The following IPO9 variants were observed in gnomAD, a reference collection of about 807,000 sequenced individuals.
IPO9 encodes importin 9, also known as importin-9.
IPO9 carries 28 observed loss-of-function variants against 128.6 expected under a neutral mutation model. The ratio of observed to expected loss-of-function variants is 0.22; its 90% CI spans 0.16 to 0.30. The LOEUF (loss-of-function observed/expected upper bound fraction) is 0.30. IPO9 is among the 10% of genes least tolerant of loss of function. The probability of loss-of-function intolerance (pLI) is 1.00; values close to 1 mark genes in which losing one functional copy is unlikely to be tolerated. For synonymous variants in IPO9, 455 were observed against 475.8 expected (o/e 0.96, Z 0.57); for missense variants, 935 against 1,293.9 (o/e 0.72, Z 4.26).
At position 201,874,232 on chromosome 1, in the gene IPO9, C is replaced by A; in HGVS notation, c.2711-18C>A. 3 of 1,613,262 alleles carry A rather than the reference C, an allele frequency of 1.9e-6. No homozygotes were observed. Among genetic ancestry groups the A allele is most frequent in the Non-Finnish European group, 2.5e-6 (3 of 1,179,564 alleles). On this transcript the variant is annotated intron_variant, in intron 20 of 23. Coordinates refer to ENST00000361565, the MANE Select transcript of IPO9 (RefSeq NM_018085.5). ...GCTCAGTGACACTCTGACTTGAAAC[C>A]TTTTTCTTCCTTCCCAGACCCAGAA...
At chr1:201,867,012 C>A in intron 15 of IPO9, 53 bp downstream of exon 15, 1 of 1,422,130 alleles carries the variant, frequency 7.0e-7, no homozygotes, top group Non-Finnish European at 9.9e-7. Context: ...AAGGTGGTGG[C>A]TGGTGAATTT....
intron 21 of IPO9, 92 bp downstream of exon 21, chr1:201,874,464 T>C (rs1680721013): frequency 1.4e-6 from 2 of 1,468,356 alleles, no homozygotes; most frequent in Non-Finnish European, 9.2e-7. Flanking sequence ...GAGTCACTAA[T>C]TGAAAAAAAA....
In IPO9 at chr1:201,872,878, A is replaced by G. The variant is rs772772339; in HGVS notation, c.2627A>G (p.Lys876Arg). 24 of 1,613,878 alleles carry G rather than the reference A, an allele frequency of 1.5e-5. No individual in the cohort carries two copies. Among genetic ancestry groups the G allele is most frequent in the Non-Finnish European group, 5.1e-6 (6 of 1,179,972 alleles). Residue 876 changes from lysine (K) to arginine (R), a missense_variant, in exon 20 of 24, where the codon AAA becomes AGA. Lys to Arg is a conservative substitution (Grantham distance 26). This residue lies in a region of IPO9 where 188 missense variants were observed against 246.7 expected (regional missense o/e 0.76). Transcript: ENST00000361565. Reference protein sequence around the residue: ...LLQHGINADDKRLQDIRVKGE... With the variant: ...LLQHGINADDRRLQDIRVKGE... Reference sequence around the variant, plus strand: ...CAGCATGGCATCAATGCAGATGACAAACGGCTACAGGATATCCGTGTGAAG... The same window carrying G: ...CAGCATGGCATCAATGCAGATGACAGACGGCTACAGGATATCCGTGTGAAG...
Position 201,848,488 on chromosome 1 carries a change from C to A in IPO9, c.408C>A (p.Ala136=), listed in dbSNP as rs991669677. 1.2e-6 allele frequency: 2 copies of A among 1,614,152 alleles called. No homozygotes were observed. Among genetic ancestry groups the A allele is most frequent in the African/African-American group, 2.7e-5 (2 of 75,042 alleles). ...TGGCCTATGCAGTGTCAGCCATTGC[C>A]CACTGGGACTGGCCTGAAGCTTGGC... ...SSVAYAVSAI[A]HWDWPEAWPQ... is the part of the protein sequence containing the mutation. The change falls in exon 4 of 24, where the codon GCC becomes GCA. Residue 136 remains alanine (A), a synonymous_variant. Transcript: ENST00000361565.
rs1461188192 is a variant in IPO9 at position 201,853,020 on chromosome 1, A to G, written c.613A>G (p.Ile205Val). ...KIFTMAEVYG[I>V]RTRSRAVEIF... ...GTAACCTTTCTTCCAGGTGTATGGT[A>G]TTCGAACCCGTTCCCGAGCCGTGGA... Residue 205 changes from isoleucine (I) to valine (V), a missense_variant, in exon 6 of 24, where the codon ATT (isoleucine) becomes GTT (valine). Around this residue, in one of 3 missense-constraint regions of IPO9, gnomAD observed 741 missense variants for 1,019.1 expected, o/e 0.73. Transcript: ENST00000361565. 1 of 1,614,080 alleles carries G rather than the reference A, an allele frequency of 6.2e-7. No homozygotes were observed. Among genetic ancestry groups the G allele is most frequent in the Non-Finnish European group, 8.5e-7 (1 of 1,179,934 alleles).
chr1:201,853,438 GC>G (rs1373741308), intron 6 of IPO9, among the ~76,000 whole-genome samples: 2 of 152,086 alleles, frequency 1.3e-5, no homozygotes, highest in African/African-American at 4.8e-5. Flanking sequence ...TCACTGTATT[GC>G]CCAGGCTGGT....
In IPO9 at chr1:201,857,327, A is replaced by G. The variant is rs1223634691; in HGVS notation, c.1221+133A>G. The G allele has an allele frequency of 6.3e-6, 4 of 635,208 alleles. No homozygotes were observed. The African/African-American group carries it at 7.3e-5, about 12-fold the overall frequency. The allele number at this position is 635,208 out of a possible 1,614,324, so 39.3% of individuals were successfully genotyped here. On this transcript the variant is annotated intron_variant, in intron 11 of 23. Coordinates refer to ENST00000361565, the MANE Select transcript of IPO9 (RefSeq NM_018085.5). Reference sequence around the variant, plus strand: ...TATCTCAGACTTTATTGGGGATGCAAGAGAGTTTCTGAAATGAAATTCGAG... The same window carrying G: ...TATCTCAGACTTTATTGGGGATGCAGGAGAGTTTCTGAAATGAAATTCGAG...
intron 1 of IPO9, among the ~76,000 whole-genome samples, chr1:201,841,810 A>T (rs550813632): frequency 6.6e-6 from 1 of 152,376 alleles, no homozygotes; most frequent in African/African-American, 2.4e-5. Context: ...AAAAAAAATA[A>T]GATAGTATTG....
At chr1:201,830,644 T>G (rs1218067448) in intron 1 of IPO9, among the ~76,000 whole-genome samples, 2 of 152,214 alleles carry the variant, frequency 1.3e-5, no homozygotes, top group Admixed American at 6.5e-5. Context: ...TTTAGCGGCT[T>G]CTAAATAAAA....
chr1:201,839,417 A>G (rs1031077892), intron 1 of IPO9, among the ~76,000 whole-genome samples: 2 of 150,862 alleles, frequency 1.3e-5, no homozygotes, highest in Non-Finnish European at 3.0e-5. Flanking sequence ...GGGTTTCACC[A>G]TGTTGCCCAG....
Position 201,879,152 on chromosome 1 carries a change from A to G in IPO9, c.*3098A>G, listed in dbSNP as rs1049940640. 2 of 152,234 alleles carry G rather than the reference A, an allele frequency of 1.3e-5. No individual in the cohort carries two copies. The highest frequency in any genetic ancestry group is 4.8e-5 in the African/African-American group (2 of 41,466). The allele number at this position is 152,234 out of a possible 1,614,324, so 9.4% of individuals were successfully genotyped here. A position where few individuals can be genotyped will look rare whatever the true frequency, so the allele number is the denominator to read the frequency against. On this transcript the variant is annotated 3_prime_UTR_variant, in exon 24 of 24. Transcript: ENST00000361565. ...CTGATAACACAAGTTACAGACGTAT[A>G]TGTGACATTGATTTGGGAGAATGAA... is the stretch of plus-strand genomic sequence containing the variant.
intron 3 of IPO9, 38 bp downstream of exon 3, chr1:201,847,676 TG>T (rs1342877580): frequency 7.2e-7 from 1 of 1,382,582 alleles, no homozygotes; most frequent in Middle Eastern, 1.8e-4. Flanking sequence ...TGAGGAGATT[TG>T]AGGGTCCATT....
chr1:201,875,312 A>G (rs1680739551), intron 23 of IPO9, 84 bp downstream of exon 23: 1 of 1,229,020 alleles, frequency 8.1e-7, no homozygotes. Context: ...ATTTATAGCC[A>G]GGCATGGTGG....
intron 14 of IPO9, among the ~76,000 whole-genome samples, chr1:201,866,356 G>A (rs1408867121): frequency 6.6e-6 from 1 of 151,994 alleles, no homozygotes; most frequent in African/African-American, 2.4e-5. Flanking sequence ...GTAAATATTT[G>A]TTGATTGAAA....
At position 201,847,888 on chromosome 1, in the gene IPO9, A is replaced by G. The variant is rs537406880; in HGVS notation, c.312+250A>G. On this transcript the variant is annotated intron_variant, in intron 3 of 23. Coordinates refer to ENST00000361565, the MANE Select transcript of IPO9 (RefSeq NM_018085.5). ...AAATGTAGTTAACACCTAAGCCTCA[A>G]TTTCCTAAATCTCCAAAGTGAGAAT... is the stretch of plus-strand genomic sequence containing the variant. Among the ~76,000 whole-genome samples, 3 of 152,342 alleles carry G rather than the reference A, an allele frequency of 2.0e-5. No homozygotes were observed. In the South Asian group the frequency reaches 6.2e-4, roughly 32 times the overall value.
intron 1 of IPO9, among the ~76,000 whole-genome samples, chr1:201,832,164 G>T (rs924077444): frequency 2.6e-4 from 40 of 151,944 alleles, no homozygotes; most frequent in Admixed American, 2.2e-3. Flanking sequence ...GCCTCCCAAA[G>T]TGCTGGGATT....
Position 201,876,042 on chromosome 1 carries a change from C to A in IPO9, c.3114C>A (p.Thr1038=), listed in dbSNP as rs149265750. 7 of 1,608,680 alleles carry A rather than the reference C, an allele frequency of 4.4e-6. No individual in the cohort carries two copies. The highest frequency in any genetic ancestry group is 6.0e-6 in the Non-Finnish European group (7 of 1,175,118). Residue 1038 remains threonine (T), a synonymous_variant, in exon 24 of 24, where the codon ACC becomes ACA. Coordinates refer to ENST00000361565, the MANE Select transcript of IPO9 (RefSeq NM_018085.5). ...LNDNERRVLQ[T]IGI Reference sequence around the variant, plus strand: ...ACAATGAGAGGCGAGTTCTACAGACCATCGGCATCTAAAAAGGGGAGCCTT... The same window carrying A: ...ACAATGAGAGGCGAGTTCTACAGACAATCGGCATCTAAAAAGGGGAGCCTT...
intron 1 of IPO9, among the ~76,000 whole-genome samples, chr1:201,830,078 G>C (rs1454181842): frequency 6.6e-6 from 1 of 152,172 alleles, no homozygotes; most frequent in African/African-American, 2.4e-5. Flanking sequence ...TAAAGTGATG[G>C]AGAAGAAAAT....
intron 6 of IPO9, among the ~76,000 whole-genome samples, chr1:201,854,215 G>T (rs1195629408): frequency 6.6e-6 from 1 of 152,202 alleles, no homozygotes; most frequent in Non-Finnish European, 1.5e-5. Flanking sequence ...CTTCTTTTGA[G>T]TCTTACTTCT....
Sources: gnomAD v4.1 joint callset for allele counts (sites outside exome capture counted in the v4.1 genomes callset) on GRCh38, gnomAD v4.1.1 for gene constraint, gnomAD v4.1.1 regional missense constraint, MANE v1.5 for transcripts, NCBI Gene and HGNC (gene_info 2026-07-23, HGNC 2026-07-21) for gene names.